Variants in PCGF6 observed in about 807,000 individuals in gnomAD.
PCGF6 encodes polycomb group RING finger protein 6.
Under a neutral mutation model 45.5 loss-of-function variants are expected in PCGF6, and 24 were observed. The ratio of observed to expected loss-of-function variants is 0.53; its 90% CI spans 0.38 to 0.74. PCGF6 has a LOEUF of 0.74. PCGF6 is among the 30% of genes least tolerant of loss of function. The pLI, the probability that PCGF6 is intolerant of heterozygous loss-of-function variation, is 0.00. For missense variants in PCGF6, 356 were observed against 443.2 expected (o/e 0.80, Z 1.77); for synonymous variants, 152 against 162.1 (o/e 0.94, Z 0.47).
intron 9 of PCGF6, among the ~76,000 whole-genome samples, chr10:103,311,019 A>G (rs186749056): frequency 7.9e-4 from 121 of 152,222 alleles, no homozygotes; most frequent in African/African-American, 2.8e-3. Context: ...TATCCTTTGT[A>G]AAGACGGGAC....
At chr10:103,316,604 G>T (rs945701799) in intron 8 of PCGF6, among the ~76,000 whole-genome samples, 5 of 152,104 alleles carry the variant, frequency 3.3e-5, no homozygotes, top group African/African-American at 1.2e-4. Flanking sequence ...TTTCTCCAAA[G>T]CCTAAATGCC....
chr10:103,349,131 TC>T, intron 1 of PCGF6, 132 bp from the exon 2 acceptor site: 1 of 704,748 alleles, frequency 1.4e-6, no homozygotes, highest in Non-Finnish European at 2.3e-6. Flanking sequence ...CACTGCAACC[TC>T]CGCCTCCTGG....
chr10:103,329,619 A>C (rs1372838691), intron 7 of PCGF6, among the ~76,000 whole-genome samples: 1 of 151,794 alleles, frequency 6.6e-6, no homozygotes, highest in African/African-American at 2.4e-5. Flanking sequence ...CTGGGACTAC[A>C]GGCGTGAGCC....
intron 6 of PCGF6, among the ~76,000 whole-genome samples, chr10:103,338,463 T>G (rs2093266236): frequency 6.7e-6 from 1 of 148,874 alleles, no homozygotes; most frequent in Admixed American, 6.8e-5. Context: ...GAGAATGGCA[T>G]GAACCCGGGA....
chr10:103,312,176 G>A (rs1290256249), intron 9 of PCGF6, among the ~76,000 whole-genome samples: 1 of 151,210 alleles, frequency 6.6e-6, no homozygotes, highest in Non-Finnish European at 1.5e-5. Context: ...GGCAGATCAG[G>A]AGGTCAGGAG....
chr10:103,329,126 G>A (rs1261876624), intron 7 of PCGF6, among the ~76,000 whole-genome samples: 5 of 151,798 alleles, frequency 3.3e-5, no homozygotes, highest in Non-Finnish European at 4.4e-5. Flanking sequence ...TGCAACCTCT[G>A]CCTCTTGGAT....
At chr10:103,328,436 T>C (rs1323742454) in intron 7 of PCGF6, among the ~76,000 whole-genome samples, 1 of 152,210 alleles carries the variant, frequency 6.6e-6, no homozygotes, top group African/African-American at 2.4e-5. Flanking sequence ...CTGCCCGTTA[T>C]TACCACAGTA....
At chr10:103,349,849 G>A (rs1223026133) in intron 1 of PCGF6, among the ~76,000 whole-genome samples, 2 of 150,598 alleles carry the variant, frequency 1.3e-5, no homozygotes, top group African/African-American at 2.4e-5. Context: ...TTGGGAGGCC[G>A]AGGCGGGCGG....
At chr10:103,310,496 T>C (rs56060736) in intron 9 of PCGF6, among the ~76,000 whole-genome samples, 28,089 of 151,958 alleles carry the variant, frequency 0.18, 3,292 homozygotes, top group Admixed American at 0.28. Flanking sequence ...ATATGTACAT[T>C]ATGCACATAT....
intron 1 of PCGF6, 55 bp downstream of exon 1, chr10:103,350,652 G>C: frequency 7.2e-7 from 1 of 1,391,292 alleles, no homozygotes; most frequent in African/African-American, 1.5e-5. Context: ...ACGAGGGCCA[G>C]CTACGTCCCT....
At chr10:103,349,052 T>TA in intron 1 of PCGF6, 53 bp from the exon 2 acceptor site, 1 of 1,478,984 alleles carries the variant, frequency 6.8e-7, no homozygotes, top group South Asian at 1.2e-5. Flanking sequence ...TTTTACAAAT[T>TA]CTTTTTTTTT....
chr10:103,316,011 TATAG>T (rs1381486754), intron 8 of PCGF6, among the ~76,000 whole-genome samples: 17,798 of 128,694 alleles, frequency 0.14, 1,000 homozygotes, highest in East Asian at 0.17. Context: ...TATATATATA[TATAG>T]AGAGAGAGAG....
chr10:103,343,838 A>AAAAAAAAAAAG (rs2093289904), intron 6 of PCGF6, among the ~76,000 whole-genome samples: 2 of 149,832 alleles, frequency 1.3e-5, no homozygotes, highest in Non-Finnish European at 1.5e-5. Context: ...GTCTCAAAAA[A>AAAAAAAAAAAG]AAAAAAAAAA....
chr10:103,337,024 T>G (rs1203399704), intron 6 of PCGF6, among the ~76,000 whole-genome samples: 1 of 152,176 alleles, frequency 6.6e-6, no homozygotes, highest in African/African-American at 2.4e-5. Context: ...TTAAACTAAT[T>G]TGAGGGACTT....
intron 9 of PCGF6, among the ~76,000 whole-genome samples, chr10:103,307,039 G>A (rs1310570368): frequency 6.6e-6 from 1 of 152,130 alleles, no homozygotes; most frequent in South Asian, 2.1e-4. Context: ...GGGAGGCAAA[G>A]GTTGCAGTGA....
At position 103,350,785 on chromosome 10, in the gene PCGF6, T is replaced by C. The variant is rs141637930; in HGVS notation, c.282A>G (p.Glu94=). The part of the protein sequence containing the change: ...LEEEEELEEE[E]EEEEEDMSHF... ...GACTCATGTCCTCCTCCTCCTCCTCTTCTTCCTCCTCCAGCTCCTCTTCTT... is the reference window on the plus strand; with the variant it reads ...GACTCATGTCCTCCTCCTCCTCCTCCTCTTCCTCCTCCAGCTCCTCTTCTT... Residue 94 remains glutamate (E), a synonymous_variant, in exon 1 of 10, where the codon GAA becomes GAG. Transcript: ENST00000369847. The C allele has an allele frequency of 1.5e-5, 24 of 1,561,302 alleles. No individual in the cohort carries two copies. In the African/African-American group the frequency reaches 2.7e-4, roughly 18 times the overall value.
intron 7 of PCGF6, among the ~76,000 whole-genome samples, chr10:103,328,202 C>T (rs1208313951): frequency 1.3e-5 from 2 of 152,110 alleles, no homozygotes; most frequent in African/African-American, 4.8e-5. Flanking sequence ...ACAGGAAAAG[C>T]ACAAAGTGTT....
At chr10:103,329,694 A>T (rs1011541704) in intron 7 of PCGF6, among the ~76,000 whole-genome samples, 1 of 151,600 alleles carries the variant, frequency 6.6e-6, no homozygotes, top group Non-Finnish European at 1.5e-5. Flanking sequence ...GCTGGTTTCA[A>T]ACTCCTGACC....
At chr10:103,333,118 A>T (rs1308344740) in intron 7 of PCGF6, among the ~76,000 whole-genome samples, 2 of 71,202 alleles carry the variant, frequency 2.8e-5, no homozygotes, top group South Asian at 3.6e-4. Context: ...GACTCCATTT[A>T]AAAAAAAAAA....
Sources: allele counts gnomAD v4.1 joint callset (sites outside exome capture counted in the v4.1 genomes callset), GRCh38; gene constraint gnomAD v4.1.1; transcripts MANE v1.5; gene names NCBI Gene and HGNC (gene_info 2026-07-23, HGNC 2026-07-21).